The following GGA3 variants were observed in gnomAD, a reference collection of about 807,000 sequenced individuals.
GGA3 encodes ADP-ribosylation factor-binding protein GGA3.
A neutral mutation model predicts 77.5 loss-of-function variants in GGA3; 57 were observed. The ratio of observed to expected loss-of-function variants is 0.74; its 90% CI spans 0.59 to 0.92. The LOEUF (loss-of-function observed/expected upper bound fraction) is 0.92. Among genes scored for constraint, GGA3 ranks in the 40% least tolerant of loss-of-function variants. The probability of loss-of-function intolerance (pLI) is 0.00; values close to 1 mark genes in which losing one functional copy is unlikely to be tolerated. For missense variants in GGA3, 970 were observed against 914.9 expected (o/e 1.06, Z -0.78); for synonymous variants, 416 against 383.7 (o/e 1.08, Z -0.98).
chr17:75,262,123 C>A, upstream of GGA3: 1 of 1,020,530 alleles, frequency 9.8e-7, no homozygotes, highest in Non-Finnish European at 1.4e-6. Flanking sequence ...GCTGCGTGAC[C>A]CTGCGCCAAT....
rs552077976 is a variant in GGA3 at position 75,237,045 on chromosome 17, G to A, written c.*1234C>T. On this transcript the variant is annotated 3_prime_UTR_variant, in exon 17 of 17. Transcript: ENST00000537686. Reference sequence around the variant, plus strand: ...TGCTGAGCTTGTTCACCTGGGCTCCGCAAGCTTCCCCCGTGTCTATGGCAG... The same window carrying A: ...TGCTGAGCTTGTTCACCTGGGCTCCACAAGCTTCCCCCGTGTCTATGGCAG... The A allele has an allele frequency of 2.9e-4, 60 of 206,244 alleles. No homozygotes were observed. In the South Asian group the frequency reaches 4.7e-3, roughly 16 times the overall value. 12.8% of individuals were successfully genotyped at this position (206,244 alleles called of 1,614,324 possible). A position where few individuals can be genotyped will look rare whatever the true frequency, so the allele number is the denominator to read the frequency against.
In GGA3 at chr17:75,243,161, C is replaced by G. The variant is rs760065279; in HGVS notation, c.430G>C (p.Val144Leu). Residue 144 changes from valine (V) to leucine (L), a missense_variant, in exon 6 of 17, where the codon GTG becomes CTG. By Grantham distance (32) the Val-to-Leu change is conservative (BLOSUM62 1). Coordinates refer to ENST00000537686, the MANE Select transcript of GGA3 (RefSeq NM_138619.4). ...AYHMLKRQGI[V>L]QSDPPIPVDR... is the part of the protein sequence containing the mutation. ...ACAGGAATTGGTGGGTCAGACTGCA[C>G]TATGCCTGAAAGGGGACATGGCAGC... 144 of 1,606,030 alleles carry G rather than the reference C, an allele frequency of 9.0e-5. No individual in the cohort carries two copies. The highest frequency in any genetic ancestry group is 1.2e-4 in the Non-Finnish European group (142 of 1,176,100).
At chr17:75,238,500 C>A in intron 16 of GGA3, 111 bp from the exon 17 acceptor site, 1 of 1,037,818 alleles carries the variant, frequency 9.6e-7, no homozygotes. Context: ...CCCCGCAACC[C>A]CCAACCATGC....
Position 75,237,234 on chromosome 17 carries a change from A to G in GGA3, c.*1045T>C, listed in dbSNP as rs1396246874. On this transcript the variant is annotated 3_prime_UTR_variant, in exon 17 of 17. Transcript: ENST00000537686. ...CCCGATCTCATCACCTCCAGACCCA[A>G]CATCTCGCTGACAGTGCCCCTCAGT... The G allele has an allele frequency of 1.0e-5, 6 of 595,592 alleles. No individual in the cohort carries two copies. The highest frequency in any genetic ancestry group is 1.8e-5 in the Non-Finnish European group (6 of 333,388). 36.9% of individuals were successfully genotyped at this position (595,592 alleles called of 1,614,324 possible).
chr17:75,244,507 A>G, intron 4 of GGA3, 112 bp downstream of exon 4: 1 of 764,358 alleles, frequency 1.3e-6, no homozygotes, highest in Non-Finnish European at 2.3e-6. Flanking sequence ...ACAAGACACA[A>G]ATAATCTCAG....
rs752566652 is a variant in GGA3, at chr17:75,239,022, G to C, written c.1842C>G (p.Ala614=). 1 of 1,613,970 alleles carries C rather than the reference G, an allele frequency of 6.2e-7. No individual in the cohort carries two copies. The highest frequency in any genetic ancestry group is 1.3e-5 in the African/African-American group (1 of 74,922). ...KNGFRILFHF[A]KECPPGRPDV... is the part of the protein sequence containing the mutation. ...CAGGTCGTCCTGGGGGACACTCCTT[G>C]GCAAAGTGGAAGAGGATGCGGAAGC... Residue 614 remains alanine, a synonymous_variant, in exon 15 of 17, where the codon GCC becomes GCG. Coordinates refer to ENST00000537686, the MANE Select transcript of GGA3 (RefSeq NM_138619.4).
intron 1 of GGA3, chr17:75,248,907 A>G (rs932822615): frequency 1.0e-6 from 1 of 984,906 alleles, no homozygotes; most frequent in African/African-American, 1.7e-5. Flanking sequence ...CAGGGATCTG[A>G]GTAGCGACAG....
intron 1 of GGA3, among the ~76,000 whole-genome samples, chr17:75,252,886 T>C (rs923680081): frequency 3.2e-4 from 48 of 152,142 alleles, no homozygotes; most frequent in Non-Finnish European, 6.5e-4. Flanking sequence ...AAAACATTGC[T>C]CTTAACTTCA....
At chr17:75,243,337 A>G (rs1458367921) in intron 5 of GGA3, 110 bp downstream of exon 5, 1 of 1,402,100 alleles carries the variant, frequency 7.1e-7, no homozygotes, top group African/African-American at 1.4e-5. Flanking sequence ...CCTGGGGACA[A>G]ATGCTGTTCT....
At chr17:75,244,746 G>A (rs1217222156) in intron 3 of GGA3, 29 bp from the exon 4 acceptor site, 2 of 1,515,328 alleles carry the variant, frequency 1.3e-6, no homozygotes, top group Admixed American at 1.7e-5. Context: ...GAGGCGCTCA[G>A]TGAGGGCGTG....
chr17:75,251,706 CAAAAAAAAA>C (rs35924573), intron 1 of GGA3, among the ~76,000 whole-genome samples: 1 of 68,230 alleles, frequency 1.5e-5, no homozygotes, highest in Admixed American at 1.9e-4. Flanking sequence ...GACTCCTTCT[CAAAAAAAAA>C]AAAAAAAAAA....
chr17:75,240,606 C>T (rs1049169067), intron 11 of GGA3, 194 bp from the exon 12 acceptor site: 23 of 674,846 alleles, frequency 3.4e-5, no homozygotes, highest in African/African-American at 2.7e-4. Context: ...GCCTGTGGGG[C>T]GGGGTGCAGG....
At chr17:75,254,675 G>A (rs1224049112) in intron 1 of GGA3, among the ~76,000 whole-genome samples, 1 of 152,142 alleles carries the variant, frequency 6.6e-6, no homozygotes, top group Non-Finnish European at 1.5e-5. Flanking sequence ...TCGCCTTCAA[G>A]GTGTACAATA....
chr17:75,261,558 C>T lies in GGA3; in HGVS notation c.30G>A (p.Glu10=), dbSNP rs1305919787. Residue 10 remains glutamate, a synonymous_variant, in exon 1 of 17, where the codon GAG becomes GAA. Transcript: ENST00000537686. ...GCCGCGGCTACTCACTGAGCCAGGACTCCAGGCTTTCCCCTTCCGCCTCCG... is the reference window on the plus strand; with the variant it reads ...GCCGCGGCTACTCACTGAGCCAGGATTCCAGGCTTTCCCCTTCCGCCTCCG... MAEAEGESL[E]SWLNKATNPS... 6.4e-7 allele frequency: 1 copy of T among 1,554,014 alleles called. No homozygotes were observed. Among genetic ancestry groups the T allele is most frequent in the East Asian group, 2.3e-5 (1 of 42,554 alleles).
chr17:75,249,130 C>G (rs180851908), intron 1 of GGA3: 1 of 296,982 alleles, frequency 3.4e-6, no homozygotes, highest in Non-Finnish European at 5.0e-6. Flanking sequence ...ACTGCAACCT[C>G]CACCTCCCAG....
intron 16 of GGA3, 97 bp from the exon 17 acceptor site, chr17:75,238,486 T>C: frequency 2.7e-6 from 3 of 1,124,360 alleles, no homozygotes; most frequent in Non-Finnish European, 3.9e-6. Context: ...GAATGGTCCC[T>C]TTTCCCCGCA....
chr17:75,239,944 G>T lies in GGA3; in HGVS notation c.1428C>A (p.Ala476=). Residue 476 remains alanine (A), a synonymous_variant, in exon 13 of 17, where the codon GCC becomes GCA. Transcript: ENST00000537686. ...AAAACAAGGAGGAGCCCGCACTGGG[G>T]GCAGGAACACTGGCTGGGACCACAG... The part of the protein sequence containing the change: ...PAPVVPASVP[A]PSAGSSLFST... 1 of 1,587,644 alleles carries T rather than the reference G, an allele frequency of 6.3e-7. No individual in the cohort carries two copies. Among genetic ancestry groups the T allele is most frequent in the East Asian group, 2.3e-5 (1 of 43,050 alleles).
In GGA3 at chr17:75,241,027, A is replaced by G. The variant is rs2076536539; in HGVS notation, c.977T>C (p.Leu326Pro). 6.2e-7 allele frequency: 1 copy of G among 1,614,098 alleles called. No individual in the cohort carries two copies. Among genetic ancestry groups the G allele is most frequent in the Non-Finnish European group, 8.5e-7 (1 of 1,179,982 alleles). ...GNSQCSNQGT[L>P]IDLAELDTTN... Reference sequence around the variant, plus strand: ...CGTGTCCAGCTCCGCAAGGTCGATGAGCGTGCCTTGGTTACTGCACTGACT... The same window carrying G: ...CGTGTCCAGCTCCGCAAGGTCGATGGGCGTGCCTTGGTTACTGCACTGACT... Residue 326 changes from leucine (L) to proline (P), a missense_variant, in exon 11 of 17, where the codon CTC becomes CCC. Physicochemically the swap from Leu to Pro is moderately conservative, Grantham distance 98 (BLOSUM62 -3). Transcript: ENST00000537686.
At chr17:75,242,725 TG>T (rs201263103) in intron 7 of GGA3, 105 bp downstream of exon 7, 12,766 of 1,030,434 alleles carry the variant, frequency 0.012, 139 homozygotes, top group Middle Eastern at 0.039. Flanking sequence ...GTAGGGCAGC[TG>T]GCAGCAGGGG....
Sources: allele counts gnomAD v4.1 joint callset (sites outside exome capture counted in the v4.1 genomes callset), GRCh38; gene constraint gnomAD v4.1.1; transcripts MANE v1.5; gene names NCBI Gene and HGNC (gene_info 2026-07-23, HGNC 2026-07-21).